Variants in NKAIN2 observed in about 807,000 individuals in gnomAD.
NKAIN2 encodes the protein sodium/potassium-transporting ATPase subunit beta-1-interacting protein 2.
In NKAIN2, 14 loss-of-function variants were observed where a neutral mutation model predicts 32.6. The ratio of observed to expected loss-of-function variants is 0.43; its 90% CI spans 0.28 to 0.67. NKAIN2 has a LOEUF of 0.67. Ranked by LOEUF, NKAIN2 falls within the 30% of genes least tolerant of loss-of-function variation. The pLI is 0.17. For missense variants in NKAIN2, 198 were observed against 258.3 expected (o/e 0.77, Z 1.60); for synonymous variants, 80 against 87.2 (o/e 0.92, Z 0.46).
chr6:124,479,235 G>T (rs147746717), intron 3 of NKAIN2, among the ~76,000 whole-genome samples: 1 of 152,076 alleles, frequency 6.6e-6, no homozygotes, highest in Non-Finnish European at 1.5e-5. Context: ...TAAAAACTAA[G>T]GAAATCTGAA....
intron 1 of NKAIN2, among the ~76,000 whole-genome samples, chr6:124,227,806 G>C (rs181829287): frequency 2.2e-4 from 34 of 152,238 alleles, no homozygotes; most frequent in African/African-American, 8.2e-4. Context: ...TCTGGATGTG[G>C]AACACACAAG....
At chr6:124,407,931 T>C (rs1416506286) in intron 3 of NKAIN2, among the ~76,000 whole-genome samples, 1 of 151,006 alleles carries the variant, frequency 6.6e-6, no homozygotes, top group East Asian at 1.9e-4. Context: ...TTGATTTGCA[T>C]TTCTCTGATG....
At chr6:123,839,644 G>A (rs1774785102) in intron 1 of NKAIN2, among the ~76,000 whole-genome samples, 1 of 151,790 alleles carries the variant, frequency 6.6e-6, no homozygotes, top group African/African-American at 2.4e-5. Context: ...TTTTTCTTTT[G>A]CAACACTACA....
chr6:124,579,013 G>A (rs573475711), intron 3 of NKAIN2, among the ~76,000 whole-genome samples: 21 of 152,262 alleles, frequency 1.4e-4, no homozygotes, highest in Middle Eastern at 3.4e-3. Context: ...ATGAGTTTGC[G>A]CAAGCCACAG....
rs183996262 is a variant in NKAIN2, at chr6:124,538,207, T to C, written c.274-119979T>C. 2.7e-3 allele frequency among the ~76,000 whole-genome samples: 417 copies of C among 152,204 alleles called. 1 individual carries two copies. Among genetic ancestry groups the C allele is most frequent in the Middle Eastern group, 0.01 (3 of 294 alleles). ...TCTTTTCCTCTGTGTCTGTTTTTCA[T>C]CTCGGTAAATTCACCTTTTAATTTA... On this transcript the variant is annotated intron_variant, in intron 3 of 6. Transcript: ENST00000368417.
intron 1 of NKAIN2, among the ~76,000 whole-genome samples, chr6:123,892,745 G>A (rs1043674763): frequency 6.6e-6 from 1 of 151,718 alleles, no homozygotes; most frequent in Non-Finnish European, 1.5e-5. Flanking sequence ...ACAGTTAAAT[G>A]CATACTTTGT....
intron 3 of NKAIN2, among the ~76,000 whole-genome samples, chr6:124,482,493 A>AGTGT (rs753716392): frequency 6.6e-6 from 1 of 152,214 alleles, no homozygotes; most frequent in Non-Finnish European, 1.5e-5. Context: ...ACCCTATGTG[A>AGTGT]GTGTGTGTGT....
chr6:124,130,683 C>T (rs35392355), intron 1 of NKAIN2, among the ~76,000 whole-genome samples: 62 of 151,034 alleles, frequency 4.1e-4, no homozygotes, highest in Non-Finnish European at 5.5e-4. Context: ...TCTTCATGCT[C>T]GTTTTCACTT....
At chr6:124,498,587 T>G (rs1447531897) in intron 3 of NKAIN2, among the ~76,000 whole-genome samples, 1 of 152,196 alleles carries the variant, frequency 6.6e-6, no homozygotes, top group African/African-American at 2.4e-5. Context: ...AAATACATCA[T>G]ACACTGTGAA....
At chr6:123,947,826 A>G (rs1017296273) in intron 1 of NKAIN2, among the ~76,000 whole-genome samples, 2 of 151,916 alleles carry the variant, frequency 1.3e-5, no homozygotes, top group Admixed American at 1.3e-4. Context: ...TAGTCACCCT[A>G]CTCTGCTATC....
chr6:124,725,337 C>G (rs1776220298), intron 4 of NKAIN2, among the ~76,000 whole-genome samples: 1 of 152,080 alleles, frequency 6.6e-6, no homozygotes, highest in African/African-American at 2.4e-5. Flanking sequence ...CTCCTGGGTT[C>G]AAGCAATCCT....
At chr6:123,895,180 C>G (rs981342238) in intron 1 of NKAIN2, among the ~76,000 whole-genome samples, 5 of 151,484 alleles carry the variant, frequency 3.3e-5, no homozygotes, top group African/African-American at 1.2e-4. Flanking sequence ...TTCTGTCTCT[C>G]TCTGTCTCTC....
chr6:124,477,286 C>A (rs1435253450), intron 3 of NKAIN2, among the ~76,000 whole-genome samples: 1 of 152,144 alleles, frequency 6.6e-6, no homozygotes, highest in Non-Finnish European at 1.5e-5. Context: ...CAGAGCTTCC[C>A]TTTGTGGCCC....
At chr6:124,699,353 C>T (rs760268023) in intron 4 of NKAIN2, among the ~76,000 whole-genome samples, 43 of 152,212 alleles carry the variant, frequency 2.8e-4, no homozygotes, top group Non-Finnish European at 4.6e-4. Flanking sequence ...TGGAGGGGGA[C>T]GGCAACCCAG....
chr6:123,924,075 A>T (rs1437468240), intron 1 of NKAIN2, among the ~76,000 whole-genome samples: 1 of 152,146 alleles, frequency 6.6e-6, no homozygotes, highest in Non-Finnish European at 1.5e-5. Flanking sequence ...GAAGTACCTA[A>T]TATTAACTAT....
At chr6:124,483,743 A>G (rs1018278907) in intron 3 of NKAIN2, among the ~76,000 whole-genome samples, 1 of 152,038 alleles carries the variant, frequency 6.6e-6, no homozygotes, top group Non-Finnish European at 1.5e-5. Context: ...GATTTTTTGG[A>G]ATCTCCAAGA....
rs375144898 is a variant in NKAIN2 at position 124,584,138 on chromosome 6, C to T, written c.274-74048C>T. Among the ~76,000 whole-genome samples the T allele has an allele frequency of 4.6e-5, 7 of 152,202 alleles. No homozygotes were observed. In the South Asian group the frequency reaches 8.3e-4, roughly 18 times the overall value. On this transcript the variant is annotated intron_variant, in intron 3 of 6. Transcript: ENST00000368417. The stretch of plus-strand genomic sequence containing the variant: ...CACAGGCAACCCAAGCAAAAATGGA[C>T]AAATGGGATCACATCAAGTAAAAAA...
chr6:124,625,300 TG>T (rs1374857322), intron 3 of NKAIN2, among the ~76,000 whole-genome samples: 1 of 149,578 alleles, frequency 6.7e-6, no homozygotes, highest in Non-Finnish European at 1.5e-5. Context: ...TAGGCAGCTG[TG>T]GTATGGGAGG....
intron 3 of NKAIN2, among the ~76,000 whole-genome samples, chr6:124,581,454 A>G (rs1190366638): frequency 1.3e-5 from 2 of 150,244 alleles, no homozygotes; most frequent in Non-Finnish European, 3.0e-5. Flanking sequence ...TCAAAAAAAA[A>G]AAAAAAAAAA....
Sources: gnomAD v4.1 joint callset for allele counts (sites outside exome capture counted in the v4.1 genomes callset) on GRCh38, gnomAD v4.1.1 for gene constraint, MANE v1.5 for transcripts, NCBI Gene and HGNC (gene_info 2026-07-23, HGNC 2026-07-21) for gene names.